Variants in LGR4 observed in about 807,000 individuals in gnomAD.
LGR4 encodes leucine-rich repeat-containing G protein-coupled receptor 4.
Under a neutral mutation model 84.8 loss-of-function variants are expected in LGR4, and 44 were observed. That is an observed-to-expected ratio of 0.52 (90% CI 0.41 to 0.67). The LOEUF (loss-of-function observed/expected upper bound fraction) is 0.67, where lower values mean the gene tolerates loss of function less well. Ranked by LOEUF, LGR4 falls within the 30% of genes least tolerant of loss-of-function variation. The pLI is 0.00. For synonymous variants in LGR4, 429 were observed against 434.3 expected, an observed-to-expected ratio of 0.99 and a Z score of 0.15; for missense variants, 1,032 against 1,131.4, an observed-to-expected ratio of 0.91 and a Z score of 1.26.
intron 1 of LGR4, among the ~76,000 whole-genome samples, chr11:27,446,590 C>T (rs1230336788): frequency 6.6e-6 from 1 of 152,174 alleles, no homozygotes; most frequent in Non-Finnish European, 1.5e-5. Flanking sequence ...GTTGGTGGGA[C>T]TGTAAACTAG....
chr11:27,382,080 A>C, intron 7 of LGR4, 108 bp downstream of exon 7: 1 of 733,854 alleles, frequency 1.4e-6, no homozygotes, highest in Non-Finnish European at 2.4e-6. Context: ...GTGTGCATGT[A>C]TTATGGATAT....
At chr11:27,404,574 T>C (rs1183986814) in intron 2 of LGR4, among the ~76,000 whole-genome samples, 1 of 152,158 alleles carries the variant, frequency 6.6e-6, no homozygotes, top group Non-Finnish European at 1.5e-5. Flanking sequence ...CTTTCTCTTT[T>C]CTTCTGCTTC....
chr11:27,396,919 T>C (rs1330319705), intron 2 of LGR4, among the ~76,000 whole-genome samples: 1 of 152,184 alleles, frequency 6.6e-6, no homozygotes, highest in African/African-American at 2.4e-5. Flanking sequence ...CTCCGTGTTC[T>C]GTTTCCAAAG....
chr11:27,377,149 C>T lies in LGR4; in HGVS notation c.1109+9G>A. 1.3e-6 allele frequency: 2 copies of T among 1,550,312 alleles called. No homozygotes were observed. The highest frequency in any genetic ancestry group is 1.8e-6 in the Non-Finnish European group (2 of 1,129,208). On this transcript the variant is annotated intron_variant, in intron 12 of 17. Transcript: ENST00000379214. Reference sequence around the variant, plus strand: ...CACAACAAAAGGAATAAGTCAAAGACCAACTCACATTTCTTCCAGAGCATG... The same window carrying T: ...CACAACAAAAGGAATAAGTCAAAGATCAACTCACATTTCTTCCAGAGCATG...
intron 1 of LGR4, among the ~76,000 whole-genome samples, chr11:27,420,756 T>C (rs1467175265): frequency 1.3e-5 from 2 of 152,108 alleles, no homozygotes; most frequent in Admixed American, 6.6e-5. Flanking sequence ...CTGAACTAGA[T>C]AATGTGTGTC....
At chr11:27,413,018 AAC>A (rs1324136236) in intron 1 of LGR4, among the ~76,000 whole-genome samples, 158 bp from the exon 2 acceptor site, 5 of 152,166 alleles carry the variant, frequency 3.3e-5, no homozygotes, top group Non-Finnish European at 5.9e-5. Flanking sequence ...ATATTCAGAA[AAC>A]ACAGAAAAGT....
At position 27,462,555 on chromosome 11, in the gene LGR4, C is replaced by T. The variant is rs576433496; in HGVS notation, c.185+9563G>A. ...GCCTTTTTCCATTAGCACAGTGGCT[C>T]ACCTGTGAAGTCTATGGGCTTTGAA... On this transcript the variant is annotated intron_variant, in intron 1 of 17. Coordinates refer to ENST00000379214, the MANE Select transcript of LGR4 (RefSeq NM_018490.5). Among the ~76,000 whole-genome samples, 7 of 152,270 alleles carry T rather than the reference C, an allele frequency of 4.6e-5. No individual in the cohort carries two copies. In the South Asian group the frequency reaches 6.2e-4, roughly 14 times the overall value.
rs1440258946 is a variant in LGR4, at chr11:27,391,146, A to G, written c.349T>C (p.Leu117=). ...LKVLTLQNNQ[L]KTVPSEAIRG... is the part of the protein sequence containing the mutation. ...ATGGCTTCACTGGGTACTGTTTTCA[A>G]CTGATTATTCTGGAGCGTTCTGAAA... The change falls in exon 4 of 18, where the codon TTG becomes CTG. Residue 117 remains leucine (L), a synonymous_variant. Transcript: ENST00000379214. The G allele has an allele frequency of 6.2e-7, 1 of 1,608,232 alleles. No homozygotes were observed. The highest frequency in any genetic ancestry group is 1.1e-5 in the South Asian group (1 of 89,962).
chr11:27,386,862 T>C (rs1386440144), intron 4 of LGR4, among the ~76,000 whole-genome samples: 2 of 152,152 alleles, frequency 1.3e-5, no homozygotes, highest in Admixed American at 6.6e-5. Context: ...GAAACACACA[T>C]TTTTAGACTT....
rs114413207 is a variant in LGR4 at position 27,388,383 on chromosome 11, T to C, written c.401+2711A>G. On this transcript the variant is annotated intron_variant, in intron 4 of 17. Transcript: ENST00000379214. ...GAAGAAAATACTATAATTCTTTAAG[T>C]AGATGCTGAAAAGCATCAGCTATCT... Among the ~76,000 whole-genome samples the C allele has an allele frequency of 4.4e-3, 668 of 152,282 alleles. 8 individuals are homozygous for C. Among genetic ancestry groups the C allele is most frequent in the African/African-American group, 0.015 (627 of 41,568 alleles).
chr11:27,407,398 A>G (rs1863631252), intron 2 of LGR4, among the ~76,000 whole-genome samples: 1 of 152,108 alleles, frequency 6.6e-6, no homozygotes, highest in Non-Finnish European at 1.5e-5. Flanking sequence ...CATAGATCCA[A>G]TTCCTGGCTG....
chr11:27,415,567 T>C (rs551355387), intron 1 of LGR4, among the ~76,000 whole-genome samples: 3 of 152,178 alleles, frequency 2.0e-5, no homozygotes, highest in African/African-American at 7.2e-5. Flanking sequence ...AACTAACATA[T>C]GTAAAACACA....
At chr11:27,376,579 C>T (rs1015181358) in intron 12 of LGR4, among the ~76,000 whole-genome samples, 2 of 152,074 alleles carry the variant, frequency 1.3e-5, no homozygotes, top group Admixed American at 6.5e-5. Flanking sequence ...TTGCCCTTTT[C>T]TCATCTATAA....
At chr11:27,420,289 C>T (rs914345061) in intron 1 of LGR4, among the ~76,000 whole-genome samples, 1 of 152,126 alleles carries the variant, frequency 6.6e-6, no homozygotes, top group African/African-American at 2.4e-5. Flanking sequence ...TTTTGGCTAT[C>T]AATTTGTAGC....
intron 1 of LGR4, among the ~76,000 whole-genome samples, chr11:27,456,615 T>C (rs1238869269): frequency 1.3e-5 from 2 of 152,124 alleles, no homozygotes; most frequent in Non-Finnish European, 2.9e-5. Context: ...ACAGATCTGA[T>C]CCTCATATAC....
At chr11:27,466,950 AT>A (rs890004040) in intron 1 of LGR4, among the ~76,000 whole-genome samples, 3 of 151,252 alleles carry the variant, frequency 2.0e-5, no homozygotes, top group South Asian at 2.1e-4. Context: ...CGCCCGGCTA[AT>A]TTTTTTTTAT....
intron 16 of LGR4, among the ~76,000 whole-genome samples, chr11:27,372,066 T>C (rs1862894819): frequency 6.6e-6 from 1 of 152,136 alleles, no homozygotes; most frequent in Admixed American, 6.5e-5. Flanking sequence ...AGTCTCACTT[T>C]GTTGCCCAGG....
intron 1 of LGR4, among the ~76,000 whole-genome samples, 156 bp from the exon 2 acceptor site, chr11:27,413,016 A>C (rs1202486368): frequency 1.3e-5 from 2 of 152,168 alleles, no homozygotes; most frequent in Admixed American, 1.3e-4. Context: ...CAATATTCAG[A>C]AAACACAGAA....
At position 27,412,784 on chromosome 11, in the gene LGR4, C is replaced by G. The variant is rs1450183589; in HGVS notation, c.257+5G>C. 1 of 1,530,856 alleles carries G rather than the reference C, an allele frequency of 6.5e-7. No homozygotes were observed. The highest frequency in any genetic ancestry group is 9.1e-7 in the Non-Finnish European group (1 of 1,104,938). The allele number at this position is 1,530,856 out of a possible 1,614,324, so 94.8% of individuals were successfully genotyped here. ...TACACACACATTTCTCAAAGTAATA[C>G]TTACAGCTCTTCTAGAAAAGGAAAG... On this transcript the variant is annotated splice_donor_5th_base_variant and intron_variant, in intron 2 of 17. Coordinates refer to ENST00000379214, the MANE Select transcript of LGR4 (RefSeq NM_018490.5).
Sources: gnomAD v4.1 joint callset for allele counts (sites outside exome capture counted in the v4.1 genomes callset) on GRCh38, gnomAD v4.1.1 for gene constraint, MANE v1.5 for transcripts, NCBI Gene and HGNC (gene_info 2026-07-23, HGNC 2026-07-21) for gene names.